The following ZNF266 variants were observed in gnomAD, a reference collection of about 807,000 sequenced individuals.
ZNF266 encodes the protein zinc finger protein 1.
A neutral mutation model predicts 16.4 loss-of-function variants in ZNF266; 16 were observed. The ratio of observed to expected loss-of-function variants is 0.98; its 90% CI spans 0.66 to 1.48. ZNF266 has a LOEUF of 1.48. Among genes scored for constraint, ZNF266 ranks in the 40% most tolerant of loss-of-function variants. The pLI, the probability that ZNF266 is intolerant of heterozygous loss-of-function variation, is 0.00. For missense variants in ZNF266, 738 were observed against 689.1 expected (o/e 1.07, Z -0.79); for synonymous variants, 262 against 237.9 (o/e 1.10, Z -0.93).
intron 5 of ZNF266, among the ~76,000 whole-genome samples, chr19:9,429,624 A>G (rs955454071): frequency 3.3e-5 from 5 of 152,144 alleles, no homozygotes; most frequent in Admixed American, 3.3e-4. Flanking sequence ...CCATTACACT[A>G]AAACCTCCAC....
intron 5 of ZNF266, among the ~76,000 whole-genome samples, chr19:9,425,046 T>A (rs1301544108): frequency 6.6e-6 from 1 of 152,054 alleles, no homozygotes; most frequent in Non-Finnish European, 1.5e-5. Context: ...CCTGTGTAGC[T>A]GTTTGTTATA....
At chr19:9,422,297 C>G (rs1185623214) in intron 5 of ZNF266, among the ~76,000 whole-genome samples, 3 of 152,078 alleles carry the variant, frequency 2.0e-5, no homozygotes, top group Non-Finnish European at 4.4e-5. Flanking sequence ...GCCAATGTTC[C>G]CCTTGACCTG....
In ZNF266 at chr19:9,413,723, G is replaced by GTTC. The variant is rs1443635965; in HGVS notation, c.1400_1402dup (p.Arg467dup). ...TTCAAAAGGCTTCTCTCCAGTGTGAGTTCTTGTATGTTCACTAAGGCGAGA... is the reference window on the plus strand; with the variant it reads ...TTCAAAAGGCTTCTCTCCAGTGTGAGTTCTTCTTGTATGTTCACTAAGGCGAGA... On this transcript the variant is annotated inframe_insertion, in exon 11 of 11. Transcript: ENST00000592904. 6.2e-7 allele frequency: 1 copy of GTTC among 1,614,150 alleles called. No homozygotes were observed. Among genetic ancestry groups the GTTC allele is most frequent in the African/African-American group, 1.3e-5 (1 of 75,040 alleles).
chr19:9,422,828 T>G (rs2070136192), intron 5 of ZNF266, among the ~76,000 whole-genome samples: 1 of 151,928 alleles, frequency 6.6e-6, no homozygotes, highest in Admixed American at 6.6e-5. Context: ...GGAGTAAGAG[T>G]TGACAAGATG....
rs1232696336 is a variant in ZNF266, at chr19:9,413,380, AGT to A, written c.1744_1745del (p.Thr582TrpfsTer6). 1.9e-6 allele frequency: 3 copies of A among 1,614,142 alleles called. No individual in the cohort carries two copies. Among genetic ancestry groups the A allele is most frequent in the Non-Finnish European group, 2.5e-6 (3 of 1,180,052 alleles). Reference protein sequence around the residue: ...NSFQLHERTHTGEKPYECKEC... With the variant: ...NSFQLHERTHXGEKPYECKEC... ...CCTTACATTCATAGGGTTTCTCTCC[AGT>A]GTGAGTTCGTTCATGTAACTGAAAC... On this transcript the variant is annotated frameshift_variant, in exon 11 of 11. Transcript: ENST00000592904. LOFTEE classifies it low-confidence loss of function (END_TRUNC).
rs547366495 is a variant in ZNF266, at chr19:9,429,156, T to C, written c.-130+4512A>G. 9.9e-5 allele frequency among the ~76,000 whole-genome samples: 15 copies of C among 152,236 alleles called. No homozygotes were observed. The South Asian group carries it at 2.7e-3, about 27-fold the overall frequency. Reference sequence around the variant, plus strand: ...TGAAAGACAGAAAAATGTCCTCAAATAACTACTTTTCAAATTCCAGTCCAA... The same window carrying C: ...TGAAAGACAGAAAAATGTCCTCAAACAACTACTTTTCAAATTCCAGTCCAA... On this transcript the variant is annotated intron_variant, in intron 5 of 10. Coordinates refer to ENST00000592904, the MANE Select transcript of ZNF266 (RefSeq NM_001370374.1).
chr19:9,422,151 C>A (rs1207037458), intron 5 of ZNF266, among the ~76,000 whole-genome samples: 1 of 100,922 alleles, frequency 9.9e-6, no homozygotes, highest in Non-Finnish European at 2.1e-5. Flanking sequence ...CACCTGGCCA[C>A]AACAAAACCT....
chr19:9,430,072 C>T (rs2123428297), intron 5 of ZNF266, among the ~76,000 whole-genome samples: 1 of 146,978 alleles, frequency 6.8e-6, no homozygotes, highest in East Asian at 2.2e-4. Context: ...CTCAGCCAGC[C>T]TTATCTGTAC....
At chr19:9,419,368 G>C (rs1329979155) in intron 6 of ZNF266, 69 bp from the exon 7 acceptor site, 2 of 152,872 alleles carry the variant, frequency 1.3e-5, no homozygotes, top group African/African-American at 4.8e-5. Flanking sequence ...GTACCCCAAA[G>C]TCATTCCATC....
rs546793595 is a variant in ZNF266 at position 9,413,968 on chromosome 19, A to G, written c.1158T>C (p.Thr386=). The change falls in exon 11 of 11, where the codon ACT becomes ACC. Residue 386 remains threonine, a synonymous_variant. Transcript: ENST00000592904. ...SQLTEHLKTH[T]AKDPFECKIC... ...TCTTACATTCAAAGGGATCCTTTGCAGTGTGAGTTTTTAAATGTTCAGTAA... is the reference window on the plus strand; with the variant it reads ...TCTTACATTCAAAGGGATCCTTTGCGGTGTGAGTTTTTAAATGTTCAGTAA... The G allele has an allele frequency of 3.1e-6, 5 of 1,614,206 alleles. No homozygotes were observed. The South Asian group carries it at 3.3e-5, about 11-fold the overall frequency.
chr19:9,418,594 G>A lies in ZNF266; in HGVS notation c.146C>T (p.Thr49Ile). 1 of 1,575,804 alleles carries A rather than the reference G, an allele frequency of 6.3e-7. No homozygotes were observed. Among genetic ancestry groups the A allele is most frequent in the Admixed American group, 1.7e-5 (1 of 59,934 alleles). ...GTCCAGTAAAGTCCATTCTTCTGGG[G>A]TGAAGTCCACAGCCAGATCATCAAA... ...VTFDDLAVDFTPEEWTLLDPT... is the reference protein window; with the variant it reads ...VTFDDLAVDFIPEEWTLLDPT... Residue 49 changes from threonine (T) to isoleucine (I), a missense_variant, in exon 8 of 11, where the codon ACC becomes ATC. By Grantham distance (89) the Thr-to-Ile change is moderately conservative. Coordinates refer to ENST00000592904, the MANE Select transcript of ZNF266 (RefSeq NM_001370374.1).
Position 9,418,628 on chromosome 19 carries a change from A to T in ZNF266, c.112T>A (p.Ser38Thr). 7.1e-7 allele frequency: 1 copy of T among 1,402,950 alleles called. No homozygotes were observed. Among genetic ancestry groups the T allele is most frequent in the South Asian group, 1.2e-5 (1 of 86,686 alleles). 86.9% of individuals were successfully genotyped at this position (1,402,950 alleles called of 1,614,324 possible). Residue 38 changes from serine to threonine, a missense_variant, in exon 8 of 11, where the codon TCA (serine) becomes ACA (threonine). Coordinates refer to ENST00000592904, the MANE Select transcript of ZNF266 (RefSeq NM_001370374.1). ...ADCLTNCYQD[S>T]VTFDDLAVDF... ...ACAGCCAGATCATCAAAAGTCACTG[A>T]ATCCTAAACCATCACACACATGCTG... is the stretch of plus-strand genomic sequence containing the variant.
chr19:9,414,547 C>T lies in ZNF266; in HGVS notation c.579G>A (p.Glu193=), dbSNP rs529120983. 4.2e-5 allele frequency: 67 copies of T among 1,614,006 alleles called. No individual in the cohort carries two copies. In the South Asian group the frequency reaches 7.1e-4, roughly 17 times the overall value. ...LTLHKKTSTG[E]QRSVFSQCGK... Reference sequence around the variant, plus strand: ...CACACTGACTAAATACAGAACGTTGCTCTCCAGTAGAGGTTTTCTTGTGCA... The same window carrying T: ...CACACTGACTAAATACAGAACGTTGTTCTCCAGTAGAGGTTTTCTTGTGCA... The change falls in exon 11 of 11, where the codon GAG becomes GAA. Residue 193 remains glutamate (E), a synonymous_variant. Coordinates refer to ENST00000592904, the MANE Select transcript of ZNF266 (RefSeq NM_001370374.1).
rs140487984 is a variant in ZNF266, at chr19:9,423,352, C to T, written c.-129-3134G>A. On this transcript the variant is annotated intron_variant, in intron 5 of 10. Transcript: ENST00000592904. Reference sequence around the variant, plus strand: ...CACGTTCCGGTGTGGATCTGCCTTTCGACTAGTTAGGCTTCTGCTGGCACC... The same window carrying T: ...CACGTTCCGGTGTGGATCTGCCTTTTGACTAGTTAGGCTTCTGCTGGCACC... 3.0e-3 allele frequency among the ~76,000 whole-genome samples: 449 copies of T among 151,678 alleles called. 3 individuals carry two copies. Among genetic ancestry groups the T allele is most frequent in the African/African-American group, 0.01 (417 of 41,310 alleles).
chr19:9,415,392 C>A (rs527548042), intron 10 of ZNF266, among the ~76,000 whole-genome samples: 6 of 152,270 alleles, frequency 3.9e-5, no homozygotes, highest in Non-Finnish European at 7.4e-5. Context: ...TTTGGGAATG[C>A]TACTTATCTC....
Position 9,414,623 on chromosome 19 carries a change from T to A in ZNF266, c.503A>T (p.Asn168Ile). ...SCLKTHVRTQ[N>I]SENTFECYLY... ...ATAACACTCAAATGTGTTCTCACTA[T>A]TTTGAGTTCTCACATGTGTCTTAAG... The change falls in exon 11 of 11, where the codon AAT (asparagine) becomes ATT (isoleucine). Residue 168 changes from asparagine (N) to isoleucine (I), a missense_variant. Transcript: ENST00000592904. 1 of 1,610,540 alleles carries A rather than the reference T, an allele frequency of 6.2e-7. No homozygotes were observed.
chr19:9,415,831 C>G, intron 9 of ZNF266, 89 bp from the exon 10 acceptor site: 2 of 1,178,564 alleles, frequency 1.7e-6, no homozygotes, highest in Non-Finnish European at 2.4e-6. Flanking sequence ...TACTTGTTTT[C>G]TTTTTTTCTT....
At position 9,413,569 on chromosome 19, in the gene ZNF266, A is replaced by C. The variant is rs2068534149; in HGVS notation, c.1557T>G (p.Asn519Lys). 1.2e-6 allele frequency: 2 copies of C among 1,614,174 alleles called. No homozygotes were observed. The highest frequency in any genetic ancestry group is 4.5e-5 in the East Asian group (2 of 44,890). Residue 519 changes from asparagine (N) to lysine (K), a missense_variant, in exon 11 of 11, where the codon AAT becomes AAG. Transcript: ENST00000592904. The part of the protein sequence containing the change: ...GKAFTHSSSL[N>K]NHMRTHSAKK... ...TGGCGCTGTGGGTCCGCATGTGATT[A>C]TTAAGACTGGAGGAATGCGTAAATG...
Position 9,435,418 on chromosome 19 carries a change from G to A in ZNF266, c.-692C>T, listed in dbSNP as rs1599600968. ...GGAGCAGGCAAGGTCTCTCTAAGGA[G>A]GCCCCTCGGCGGCCTGGGGCAAACC... On this transcript the variant is annotated 5_prime_UTR_variant, in exon 1 of 11. Transcript: ENST00000592904. The A allele has an allele frequency of 6.6e-6, 1 of 152,238 alleles. No homozygotes were observed. The highest frequency in any genetic ancestry group is 6.5e-5 in the Admixed American group (1 of 15,288). The allele number at this position is 152,238 out of a possible 1,614,324, so 9.4% of individuals were successfully genotyped here. A position where few individuals can be genotyped will look rare whatever the true frequency, so the allele number is the denominator to read the frequency against.
Sources: allele counts gnomAD v4.1 joint callset (sites outside exome capture counted in the v4.1 genomes callset), GRCh38; gene constraint gnomAD v4.1.1; transcripts MANE v1.5; gene names NCBI Gene and HGNC (gene_info 2026-07-23, HGNC 2026-07-21).